The following SEMA6D variants were observed in gnomAD, a reference collection of about 807,000 sequenced individuals.
The protein encoded by SEMA6D is semaphorin 6D.
In SEMA6D, 35 loss-of-function variants were observed where a neutral mutation model predicts 106.6. The ratio of observed to expected loss-of-function variants is 0.33; its 90% CI spans 0.25 to 0.44. The LOEUF (loss-of-function observed/expected upper bound fraction) is 0.44, where lower values mean the gene tolerates loss of function less well. SEMA6D is among the 20% of genes least tolerant of loss of function. SEMA6D has a pLI of 1.00. For missense variants in SEMA6D, 1,185 were observed against 1,345.9 expected (o/e 0.88, Z 1.87); for synonymous variants, 499 against 487.7 (o/e 1.02, Z -0.31).
At chr15:47,763,790 T>C in intron 9 of SEMA6D, 60 bp from the exon 10 acceptor site, 1 of 1,439,624 alleles carries the variant, frequency 6.9e-7, no homozygotes, top group Admixed American at 1.7e-5. Flanking sequence ...ACAGTATCAT[T>C]TTGTTTCCAT....
In SEMA6D at chr15:47,564,217, C is replaced by G. The variant is rs117134355; in HGVS notation, c.-86-36648C>G. On this transcript the variant is annotated intron_variant, in intron 3 of 19. Coordinates refer to the SEMA6D transcript ENST00000558014. ...ATACAAAAGACAAGAGTCAGCCTGC[C>G]TATACAAGCTTACCCGCCATCTTCT... Among the ~76,000 whole-genome samples the G allele has an allele frequency of 9.7e-3, 1,480 of 152,282 alleles. 10 individuals are homozygous for G. Among genetic ancestry groups the G allele is most frequent in the Admixed American group, 0.021 (319 of 15,302 alleles).
chr15:47,552,891 A>AATATATATATATTTTTATAT (rs71118186), intron 3 of SEMA6D, among the ~76,000 whole-genome samples: 9,489 of 35,094 alleles, frequency 0.27, 1,509 homozygotes, highest in South Asian at 0.36. Context: ...AATATATATA[A>AATATATATATATTTTTATAT]ATATATATAT....
chr15:47,354,605 A>G (rs983446786), intron 1 of SEMA6D, among the ~76,000 whole-genome samples: 2 of 151,644 alleles, frequency 1.3e-5, no homozygotes, highest in Non-Finnish European at 1.5e-5. Context: ...ATATATACAC[A>G]TATGTACATA....
intron 4 of SEMA6D, among the ~76,000 whole-genome samples, chr15:47,644,658 C>T (rs2077548369): frequency 6.6e-6 from 1 of 152,180 alleles, no homozygotes; most frequent in Non-Finnish European, 1.5e-5. Context: ...GCAAGAAGGC[C>T]CTCGCCAGAC....
chr15:47,724,305 G>A (rs2079601766), intron 1 of SEMA6D, among the ~76,000 whole-genome samples: 1 of 152,248 alleles, frequency 6.6e-6, no homozygotes, highest in African/African-American at 2.4e-5. Context: ...CTGTACAAGT[G>A]GGTACAGGGC....
chr15:47,452,354 G>A (rs1042401212), intron 2 of SEMA6D, among the ~76,000 whole-genome samples: 6 of 150,046 alleles, frequency 4.0e-5, no homozygotes, highest in African/African-American at 9.8e-5. Context: ...AAAGTCACAC[G>A]ACTTGTGTTC....
At chr15:47,434,607 A>T (rs1346399298) in intron 2 of SEMA6D, among the ~76,000 whole-genome samples, 1 of 152,078 alleles carries the variant, frequency 6.6e-6, no homozygotes, top group Non-Finnish European at 1.5e-5. Flanking sequence ...CAAGTGATAC[A>T]CTATTTGATG....
intron 1 of SEMA6D, among the ~76,000 whole-genome samples, chr15:47,247,351 C>A (rs2033262435): frequency 6.6e-6 from 1 of 151,190 alleles, no homozygotes; most frequent in African/African-American, 2.4e-5. Flanking sequence ...AACATTCTGA[C>A]AATCTAGAAA....
At chr15:47,552,821 T>A (rs1566882418) in intron 3 of SEMA6D, among the ~76,000 whole-genome samples, 2 of 53,448 alleles carry the variant, frequency 3.7e-5, no homozygotes, top group Non-Finnish European at 6.0e-5. Flanking sequence ...TATATAAATA[T>A]ATATATTTTT....
At chr15:47,297,132 AT>A (rs2035834974) in intron 1 of SEMA6D, among the ~76,000 whole-genome samples, 1 of 152,204 alleles carries the variant, frequency 6.6e-6, no homozygotes, top group Non-Finnish European at 1.5e-5. Context: ...ATAGATTACC[AT>A]CAGTTGATGT....
intron 3 of SEMA6D, among the ~76,000 whole-genome samples, chr15:47,503,316 T>A (rs1222452050): frequency 1.3e-5 from 2 of 152,226 alleles, no homozygotes; most frequent in African/African-American, 4.8e-5. Flanking sequence ...ATTCCAAGTG[T>A]AAACTCTTCT....
chr15:47,701,946 G>T (rs533876439), intron 4 of SEMA6D, among the ~76,000 whole-genome samples: 1 of 152,138 alleles, frequency 6.6e-6, no homozygotes, highest in Non-Finnish European at 1.5e-5. Flanking sequence ...TAGTTTGCTG[G>T]TTCTATAGTA....
At chr15:47,358,937 A>G (rs950098652) in intron 1 of SEMA6D, among the ~76,000 whole-genome samples, 1 of 152,182 alleles carries the variant, frequency 6.6e-6, no homozygotes, top group African/African-American at 2.4e-5. Context: ...TGGGCCTTCC[A>G]GGGAGTCACA....
intron 1 of SEMA6D, among the ~76,000 whole-genome samples, chr15:47,394,037 C>T (rs553779885): frequency 6.6e-6 from 1 of 152,162 alleles, no homozygotes; most frequent in Non-Finnish European, 1.5e-5. Flanking sequence ...CTCCCTGGTT[C>T]TTATACCTAC....
chr15:47,551,975 T>C (rs143822605), intron 3 of SEMA6D, among the ~76,000 whole-genome samples: 144 of 152,072 alleles, frequency 9.5e-4, no homozygotes, highest in Non-Finnish European at 1.8e-3. Context: ...AAATTAAAAG[T>C]GCATGCATTT....
intron 4 of SEMA6D, among the ~76,000 whole-genome samples, chr15:47,635,611 G>A (rs1467517646): frequency 6.6e-6 from 1 of 152,208 alleles, no homozygotes; most frequent in Non-Finnish European, 1.5e-5. Context: ...AATGAGAGCA[G>A]TCTTATGGGA....
intron 1 of SEMA6D, among the ~76,000 whole-genome samples, chr15:47,240,702 T>C (rs2032853004): frequency 6.6e-6 from 1 of 152,164 alleles, no homozygotes; most frequent in African/African-American, 2.4e-5. Context: ...AAAATTAGAT[T>C]GCCTTGACTA....
chr15:47,324,605 C>T (rs1051797039), intron 1 of SEMA6D, among the ~76,000 whole-genome samples: 1 of 151,268 alleles, frequency 6.6e-6, no homozygotes, highest in East Asian at 1.9e-4. Context: ...GGGAAGCCAA[C>T]TGGTATATGA....
intron 2 of SEMA6D, among the ~76,000 whole-genome samples, chr15:47,457,592 G>A (rs1408138067): frequency 6.6e-6 from 1 of 151,892 alleles, no homozygotes; most frequent in Non-Finnish European, 1.5e-5. Flanking sequence ...CCGAAGATTA[G>A]ACACTACATA....
Sources: allele counts gnomAD v4.1 joint callset (sites outside exome capture counted in the v4.1 genomes callset), GRCh38; gene constraint gnomAD v4.1.1; transcripts MANE v1.5; gene names NCBI Gene and HGNC (gene_info 2026-07-23, HGNC 2026-07-21).